LRRC3B: variants seen among roughly 807,000 people sequenced by gnomAD.
The protein encoded by LRRC3B is leucine-rich repeat-containing protein 3B.
Under a neutral mutation model 12.8 loss-of-function variants are expected in LRRC3B, and 2 were observed. The observed-to-expected ratio is 0.16, with a 90% confidence interval of 0.06 to 0.49. The LOEUF (loss-of-function observed/expected upper bound fraction) is 0.49. Among genes scored for constraint, LRRC3B ranks in the 20% least tolerant of loss-of-function variants. The probability of loss-of-function intolerance (pLI) is 0.96; values close to 1 mark genes in which losing one functional copy is unlikely to be tolerated. For missense variants in LRRC3B, 189 were observed against 319.4 expected, an observed-to-expected ratio of 0.59 and a Z score of 3.11; for synonymous variants, 132 against 122.0, an observed-to-expected ratio of 1.08 and a Z score of -0.54.
In LRRC3B at chr3:26,688,048, G is replaced by C. The variant is rs78988884; in HGVS notation, c.-160-21465G>C. ...TTCCATCTTGGTTACATCAGAAGGA[G>C]GCTCAGGTATCCCTGGTGCACATGG... On this transcript the variant is annotated intron_variant, in intron 1 of 1. Coordinates refer to ENST00000396641, the Ensembl canonical transcript of LRRC3B. Among the ~76,000 whole-genome samples, 387 of 152,282 alleles carry C rather than the reference G, an allele frequency of 2.5e-3. 3 individuals are homozygous for C. The highest frequency in any genetic ancestry group is 9.0e-3 in the African/African-American group (374 of 41,556).
intron 1 of LRRC3B, among the ~76,000 whole-genome samples, chr3:26,707,385 A>ATAAAT (rs781252903): frequency 2.2e-4 from 33 of 152,036 alleles, no homozygotes; most frequent in Non-Finnish European, 3.1e-4. Context: ...AAATAAAATA[A>ATAAAT]TAAATAAATA....
chr3:26,649,765 T>G (rs927644520), intron 1 of LRRC3B, among the ~76,000 whole-genome samples: 4 of 152,234 alleles, frequency 2.6e-5, no homozygotes. Flanking sequence ...GCCAAATTCC[T>G]TAGCCTGGCA....
At chr3:26,692,826 G>A (rs146954816) in intron 1 of LRRC3B, among the ~76,000 whole-genome samples, 1 of 152,300 alleles carries the variant, frequency 6.6e-6, no homozygotes, top group Non-Finnish European at 1.5e-5. Context: ...GTAGCTTGGT[G>A]GTTCTTCTAG....
intron 1 of LRRC3B, among the ~76,000 whole-genome samples, chr3:26,637,204 G>A (rs371881404): frequency 6.6e-6 from 1 of 152,056 alleles, no homozygotes. Flanking sequence ...TGGCCAGGAT[G>A]TGTTTCTAAA....
intron 1 of LRRC3B, among the ~76,000 whole-genome samples, chr3:26,666,965 A>G (rs1282790420): frequency 1.3e-5 from 2 of 152,170 alleles, no homozygotes; most frequent in Admixed American, 1.3e-4. Context: ...AACTAAAAAG[A>G]GCGGTATTAC....
At chr3:26,664,152 A>C (rs1431439728) in intron 1 of LRRC3B, among the ~76,000 whole-genome samples, 1 of 152,040 alleles carries the variant, frequency 6.6e-6, no homozygotes, top group East Asian at 1.9e-4. Flanking sequence ...CAAACTATGC[A>C]TGGTTCTTCT....
chr3:26,628,137 G>A (rs1223740235), intron 1 of LRRC3B, among the ~76,000 whole-genome samples: 1 of 152,038 alleles, frequency 6.6e-6, no homozygotes, highest in East Asian at 1.9e-4. Flanking sequence ...AGATTCTTTG[G>A]GGTGTACCTT....
Position 26,671,306 on chromosome 3 carries a change from C to T in LRRC3B, c.-160-38207C>T, listed in dbSNP as rs1180215816. 1.6e-4 allele frequency among the ~76,000 whole-genome samples: 22 copies of T among 141,706 alleles called. 1 individual carries two copies. Among genetic ancestry groups the T allele is most frequent in the East Asian group, 1.5e-3 (7 of 4,730 alleles). 93.0% of individuals were successfully genotyped at this position (141,706 alleles called of 152,430 possible). On this transcript the variant is annotated intron_variant, in intron 1 of 1. Coordinates refer to ENST00000396641, the Ensembl canonical transcript of LRRC3B. ...CTGGGATTACAGGCGTGAGCCACCGCGCCCGGCCTCATGTATCTTATAAAT... is the reference window on the plus strand; with the variant it reads ...CTGGGATTACAGGCGTGAGCCACCGTGCCCGGCCTCATGTATCTTATAAAT...
chr3:26,659,694 A>G lies in LRRC3B; in HGVS notation c.-161+36457A>G, dbSNP rs375286972. On this transcript the variant is annotated intron_variant, in intron 1 of 1. Coordinates refer to ENST00000396641, the Ensembl canonical transcript of LRRC3B. ...ACACATGAAAAACAATACAAAAAAA[A>G]CCCTCTCTTCTTGGATTTGCTTTGT... is the stretch of plus-strand genomic sequence containing the variant. Among the ~76,000 whole-genome samples, 18 of 152,164 alleles carry G rather than the reference A, an allele frequency of 1.2e-4. No individual in the cohort carries two copies. The South Asian group carries it at 3.5e-3, about 30-fold the overall frequency.
intron 1 of LRRC3B, among the ~76,000 whole-genome samples, chr3:26,659,472 T>C (rs1369703739): frequency 6.6e-6 from 1 of 152,214 alleles, no homozygotes; most frequent in African/African-American, 2.4e-5. Flanking sequence ...AATAAGATAA[T>C]ACATATGAAA....
At chr3:26,702,571 T>A (rs949831060) in intron 1 of LRRC3B, among the ~76,000 whole-genome samples, 26 of 152,334 alleles carry the variant, frequency 1.7e-4, no homozygotes, top group African/African-American at 5.5e-4. Context: ...CATGTTTCTA[T>A]GTCTGTGTAA....
chr3:26,662,858 G>T (rs1023471650), intron 1 of LRRC3B, among the ~76,000 whole-genome samples: 5 of 152,078 alleles, frequency 3.3e-5, no homozygotes, highest in Admixed American at 1.3e-4. Context: ...CCTGAAATTG[G>T]TTTGTTTATT....
intron 1 of LRRC3B, among the ~76,000 whole-genome samples, chr3:26,628,707 A>G (rs1044876063): frequency 1.3e-5 from 2 of 151,976 alleles, no homozygotes; most frequent in African/African-American, 4.8e-5. Flanking sequence ...GACATATGAA[A>G]TGGCCATTTC....
chr3:26,622,965 C>T (rs1488541608), exon 1 of LRRC3B: 3 of 151,592 alleles, frequency 2.0e-5, no homozygotes, highest in Non-Finnish European at 4.4e-5. Flanking sequence ...CGGGGCCGCA[C>T]CCTCGCTCGG....
intron 1 of LRRC3B, among the ~76,000 whole-genome samples, chr3:26,686,984 C>T (rs1700101547): frequency 6.6e-6 from 1 of 152,114 alleles, no homozygotes; most frequent in Admixed American, 6.5e-5. Context: ...AGACAATCCC[C>T]GAATGGGTCA....
At chr3:26,641,246 G>A (rs1030005835) in intron 1 of LRRC3B, among the ~76,000 whole-genome samples, 9 of 152,144 alleles carry the variant, frequency 5.9e-5, no homozygotes, top group Admixed American at 1.3e-4. Context: ...CAGTAGCATA[G>A]GTGGCCTAAG....
intron 1 of LRRC3B, among the ~76,000 whole-genome samples, chr3:26,665,883 CT>C (rs1411039453): frequency 2.6e-5 from 4 of 152,146 alleles, no homozygotes; most frequent in Non-Finnish European, 5.9e-5. Flanking sequence ...TAACTGGGTT[CT>C]TTGAAATAAA....
chr3:26,679,932 C>T (rs899094025), intron 1 of LRRC3B, among the ~76,000 whole-genome samples: 1 of 152,158 alleles, frequency 6.6e-6, no homozygotes, highest in Non-Finnish European at 1.5e-5. Context: ...AACACGGAAT[C>T]CCTGAGCTTC....
At chr3:26,688,911 G>T (rs906209384) in intron 1 of LRRC3B, among the ~76,000 whole-genome samples, 3 of 152,124 alleles carry the variant, frequency 2.0e-5, no homozygotes, top group African/African-American at 7.2e-5. Context: ...AATAATTGTT[G>T]GTCACTTGTA....
Sources: allele counts gnomAD v4.1 joint callset (sites outside exome capture counted in the v4.1 genomes callset), GRCh38; gene constraint gnomAD v4.1.1; transcripts MANE v1.5; gene names NCBI Gene and HGNC (gene_info 2026-07-23, HGNC 2026-07-21).